DPP10: variants seen among roughly 807,000 people sequenced by gnomAD.
DPP10 encodes inactive dipeptidyl peptidase 10.
Under a neutral mutation model 120.9 loss-of-function variants are expected in DPP10, and 33 were observed. The ratio of observed to expected loss-of-function variants is 0.27; its 90% CI spans 0.21 to 0.37. The LOEUF (loss-of-function observed/expected upper bound fraction) is 0.37. Ranked by LOEUF, DPP10 falls within the 10% of genes least tolerant of loss-of-function variation. The probability of loss-of-function intolerance (pLI) is 1.00; values close to 1 mark genes in which losing one functional copy is unlikely to be tolerated. For missense variants in DPP10, 816 were observed against 942.8 expected, an observed-to-expected ratio of 0.87 and a Z score of 1.76; for synonymous variants, 337 against 326.1, an observed-to-expected ratio of 1.03 and a Z score of -0.36.
At chr2:115,480,319 T>C (rs1341694991) in intron 3 of DPP10, among the ~76,000 whole-genome samples, 2 of 152,126 alleles carry the variant, frequency 1.3e-5, no homozygotes, top group African/African-American at 4.8e-5. Flanking sequence ...GTCCTTCCCA[T>C]TGTAGGTGTT....
rs546763483 is a variant in DPP10, at chr2:114,667,745, C to G, written c.60+224907C>G. Among the ~76,000 whole-genome samples, 7 of 152,210 alleles carry G rather than the reference C, an allele frequency of 4.6e-5. 1 individual carries two copies. The Middle Eastern group carries it at 0.01, about 222-fold the overall frequency. Reference sequence around the variant, plus strand: ...AAAGAAGAGTACAAACAGAAACTTACGTTTTTACAAAGAACTAAATTGTGT... The same window carrying G: ...AAAGAAGAGTACAAACAGAAACTTAGGTTTTTACAAAGAACTAAATTGTGT... On this transcript the variant is annotated intron_variant, in intron 1 of 25. Coordinates refer to ENST00000410059, the MANE Select transcript of DPP10 (RefSeq NM_020868.6).
chr2:115,281,343 GA>G (rs1451297096), intron 1 of DPP10, among the ~76,000 whole-genome samples: 13 of 152,156 alleles, frequency 8.5e-5, no homozygotes, highest in African/African-American at 3.1e-4. Flanking sequence ...CTACTAGCTA[GA>G]AGTAAGGCAG....
chr2:115,519,587 G>A (rs971391673), intron 4 of DPP10, among the ~76,000 whole-genome samples: 5 of 152,078 alleles, frequency 3.3e-5, no homozygotes, highest in Non-Finnish European at 7.4e-5. Context: ...TGCATATATA[G>A]CCAGCTATAG....
intron 1 of DPP10, among the ~76,000 whole-genome samples, chr2:114,529,712 T>A (rs1285780135): frequency 6.6e-6 from 1 of 152,162 alleles, no homozygotes; most frequent in Non-Finnish European, 1.5e-5. Context: ...CAGTGGTAGA[T>A]GTGCAGGATG....
chr2:114,563,061 C>A (rs1688894004), intron 1 of DPP10, among the ~76,000 whole-genome samples: 1 of 152,138 alleles, frequency 6.6e-6, no homozygotes, highest in Non-Finnish European at 1.5e-5. Flanking sequence ...ATTCAAATTT[C>A]AACGTTTGCA....
chr2:115,191,437 C>T (rs995019251), intron 1 of DPP10, among the ~76,000 whole-genome samples: 2 of 152,178 alleles, frequency 1.3e-5, no homozygotes, highest in Non-Finnish European at 2.9e-5. Flanking sequence ...TGCCTCTCAC[C>T]TGGCAAATCT....
At chr2:115,765,387 G>A (rs974489023) in intron 12 of DPP10, among the ~76,000 whole-genome samples, 2 of 152,100 alleles carry the variant, frequency 1.3e-5, no homozygotes, top group African/African-American at 2.4e-5. Context: ...TTTGTTCATG[G>A]TATCCATATA....
intron 1 of DPP10, among the ~76,000 whole-genome samples, chr2:114,923,478 T>TGATGG (rs1695360424): frequency 7.8e-6 from 1 of 127,754 alleles, no homozygotes; most frequent in Non-Finnish European, 1.7e-5. Context: ...TTTCCTTTTT[T>TGATGG]TTTTTTTTTT....
chr2:115,655,820 CAAAT>C (rs938091172), intron 5 of DPP10, among the ~76,000 whole-genome samples: 2 of 148,624 alleles, frequency 1.3e-5, no homozygotes, highest in Admixed American at 6.6e-5. Context: ...AATTAGCTCT[CAAAT>C]AAATACAAAT....
intron 1 of DPP10, among the ~76,000 whole-genome samples, chr2:114,719,188 T>C (rs1701545844): frequency 6.6e-6 from 1 of 152,200 alleles, no homozygotes; most frequent in Admixed American, 6.5e-5. Context: ...AGGTTTCAAT[T>C]TAGCTACACC....
At chr2:114,932,821 G>T (rs1374778022) in intron 1 of DPP10, among the ~76,000 whole-genome samples, 1 of 151,996 alleles carries the variant, frequency 6.6e-6, no homozygotes, top group Non-Finnish European at 1.5e-5. Context: ...AAAGAGAAAA[G>T]AAAAAATAAC....
chr2:114,967,701 G>T (rs531288974), intron 1 of DPP10, among the ~76,000 whole-genome samples: 2 of 152,158 alleles, frequency 1.3e-5, no homozygotes, highest in Non-Finnish European at 2.9e-5. Flanking sequence ...CTTATTGGTC[G>T]TGAGACCCAA....
chr2:115,306,024 A>G (rs1020088056), intron 1 of DPP10, among the ~76,000 whole-genome samples: 1 of 151,562 alleles, frequency 6.6e-6, no homozygotes, highest in African/African-American at 2.4e-5. Context: ...AGTTTTTTTT[A>G]TGAGTTATTT....
At chr2:115,204,950 CT>C (rs1257750514) in intron 1 of DPP10, among the ~76,000 whole-genome samples, 1 of 151,958 alleles carries the variant, frequency 6.6e-6, no homozygotes, top group Non-Finnish European at 1.5e-5. Flanking sequence ...TTGCCTTTTG[CT>C]TTTTGATTTG....
At chr2:114,485,786 C>G (rs2104702949) in intron 1 of DPP10, among the ~76,000 whole-genome samples, 1 of 152,200 alleles carries the variant, frequency 6.6e-6, no homozygotes. Context: ...AACTCTCAAT[C>G]CTACGTGCCT....
At chr2:114,784,022 C>T (rs1278105177) in intron 1 of DPP10, among the ~76,000 whole-genome samples, 2 of 151,980 alleles carry the variant, frequency 1.3e-5, no homozygotes, top group African/African-American at 2.4e-5. Context: ...ACCTGACCTG[C>T]GCATGTACAA....
intron 5 of DPP10, among the ~76,000 whole-genome samples, chr2:115,638,532 A>G (rs982964228): frequency 1.3e-5 from 2 of 152,214 alleles, no homozygotes; most frequent in African/African-American, 4.8e-5. Flanking sequence ...ATGTCATGTA[A>G]AAGTTTTTTC....
At chr2:115,035,608 A>G (rs1039516888) in intron 1 of DPP10, among the ~76,000 whole-genome samples, 3 of 152,206 alleles carry the variant, frequency 2.0e-5, no homozygotes, top group Non-Finnish European at 2.9e-5. Context: ...CTCTTTGATT[A>G]TAATTATGGT....
At chr2:114,750,806 T>C (rs979320948) in intron 1 of DPP10, among the ~76,000 whole-genome samples, 2 of 152,202 alleles carry the variant, frequency 1.3e-5, no homozygotes, top group African/African-American at 4.8e-5. Flanking sequence ...AATAACAGGA[T>C]TCGTCTCTCA....
Sources: allele counts gnomAD v4.1 joint callset (sites outside exome capture counted in the v4.1 genomes callset), GRCh38; gene constraint gnomAD v4.1.1; transcripts MANE v1.5; gene names NCBI Gene and HGNC (gene_info 2026-07-23, HGNC 2026-07-21).